Variants in CALN1 observed in about 807,000 individuals in gnomAD.
CALN1 encodes calcium-binding protein 8.
CALN1 carries 17 observed loss-of-function variants against 30.6 expected under a neutral mutation model. The ratio of observed to expected loss-of-function variants is 0.56; its 90% confidence interval spans 0.38 to 0.83. The LOEUF (loss-of-function observed/expected upper bound fraction) is 0.83, where lower values mean the gene tolerates loss of function less well. CALN1 is among the 40% of genes least tolerant of loss of function. CALN1 has a pLI of 0.00. For missense variants in CALN1, 291 were observed against 354.9 expected, an observed-to-expected ratio of 0.82 and a Z score of 1.45; for synonymous variants, 156 against 131.4, an observed-to-expected ratio of 1.19 and a Z score of -1.28.
intron 2 of CALN1, among the ~76,000 whole-genome samples, chr7:72,371,857 C>A (rs1804264794): frequency 6.6e-6 from 1 of 152,186 alleles, no homozygotes; most frequent in Non-Finnish European, 1.5e-5. Context: ...TCCACCCTTG[C>A]TCTCCCCATG....
chr7:72,041,778 G>C (rs181651065), intron 4 of CALN1, among the ~76,000 whole-genome samples: 1 of 152,130 alleles, frequency 6.6e-6, no homozygotes, highest in East Asian at 1.9e-4. Flanking sequence ...GGTCTTTCTC[G>C]TGCTGTTCTC....
Position 72,180,144 on chromosome 7 carries a change from C to CG in CALN1, c.245-73851dup, listed in dbSNP as rs142133946. Reference sequence around the variant, plus strand: ...GACTGTCCTACATTCCAGAAGCCCACGGGGTATCATTTAGTTTGTTCCTCT... The same window carrying CG: ...GACTGTCCTACATTCCAGAAGCCCACGGGGGTATCATTTAGTTTGTTCCTCT... On this transcript the variant is annotated intron_variant, in intron 3 of 6. Transcript: ENST00000395275. Among the ~76,000 whole-genome samples the CG allele has an allele frequency of 3.0e-3, 460 of 152,302 alleles. 2 individuals carry two copies. Among genetic ancestry groups the CG allele is most frequent in the African/African-American group, 0.011 (452 of 41,564 alleles).
At chr7:72,363,601 G>T (rs1281899993) in intron 2 of CALN1, among the ~76,000 whole-genome samples, 1 of 151,764 alleles carries the variant, frequency 6.6e-6, no homozygotes, top group Non-Finnish European at 1.5e-5. Context: ...ATCAGTCTAG[G>T]TTTTATACTT....
intron 4 of CALN1, among the ~76,000 whole-genome samples, chr7:72,030,771 G>A (rs982144210): frequency 6.6e-6 from 1 of 151,624 alleles, no homozygotes; most frequent in African/African-American, 2.4e-5. Flanking sequence ...CTTAGAGGCA[G>A]GGTCTTGCTC....
intron 6 of CALN1, among the ~76,000 whole-genome samples, chr7:71,809,479 G>GAA (rs1317713099): frequency 1.9e-5 from 1 of 51,510 alleles, no homozygotes; most frequent in Non-Finnish European, 3.9e-5. Context: ...AAAAAAAAAA[G>GAA]AAAAGAAAAG....
At chr7:71,999,579 T>G (rs563022838) in intron 5 of CALN1, among the ~76,000 whole-genome samples, 1 of 151,936 alleles carries the variant, frequency 6.6e-6, no homozygotes, top group African/African-American at 2.4e-5. Flanking sequence ...AGTGGCATAA[T>G]CTTGGCTCAC....
intron 2 of CALN1, among the ~76,000 whole-genome samples, chr7:72,398,295 G>C (rs930092379): frequency 6.6e-6 from 1 of 152,170 alleles, no homozygotes; most frequent in Admixed American, 6.5e-5. Flanking sequence ...AAGCTATTCA[G>C]AGCAGGGGTG....
At chr7:71,981,108 A>C (rs1562953714) in intron 5 of CALN1, among the ~76,000 whole-genome samples, 1 of 152,100 alleles carries the variant, frequency 6.6e-6, no homozygotes, top group South Asian at 2.1e-4. Context: ...CAGTGCTATG[A>C]TATATATTAG....
intron 3 of CALN1, among the ~76,000 whole-genome samples, chr7:72,239,442 G>T (rs949097223): frequency 2.6e-5 from 4 of 152,022 alleles, no homozygotes; most frequent in African/African-American, 9.7e-5. Context: ...ATTCTGTGAC[G>T]CTCTGCTGTC....
chr7:72,351,724 T>C (rs1401423805), intron 2 of CALN1, among the ~76,000 whole-genome samples: 1 of 151,830 alleles, frequency 6.6e-6, no homozygotes, highest in South Asian at 2.1e-4. Context: ...AATACAATAT[T>C]TGAAAAATAA....
intron 3 of CALN1, among the ~76,000 whole-genome samples, chr7:72,198,179 G>A (rs1054883889): frequency 1.3e-5 from 2 of 152,202 alleles, no homozygotes; most frequent in Admixed American, 6.5e-5. Context: ...GGAAGAGGAG[G>A]AAGAATTTGT....
intron 5 of CALN1, among the ~76,000 whole-genome samples, chr7:71,979,394 G>T (rs2129527033): frequency 6.6e-6 from 1 of 152,300 alleles, no homozygotes; most frequent in Non-Finnish European, 1.5e-5. Flanking sequence ...TCATCTGGGG[G>T]TGATGGGAGA....
At chr7:71,840,655 T>C (rs1213656480) in intron 5 of CALN1, among the ~76,000 whole-genome samples, 1 of 152,120 alleles carries the variant, frequency 6.6e-6, no homozygotes, top group African/African-American at 2.4e-5. Flanking sequence ...AGGCATTGAT[T>C]GAACCGCTCA....
intron 5 of CALN1, among the ~76,000 whole-genome samples, chr7:71,847,854 A>G (rs1318497483): frequency 6.7e-6 from 1 of 148,842 alleles, no homozygotes; most frequent in Non-Finnish European, 1.5e-5. Context: ...AAGGAGAAGA[A>G]GAAGAGGAAA....
At position 72,368,963 on chromosome 7, in the gene CALN1, C is replaced by T. The variant is rs531625327; in HGVS notation, c.119+34288G>A. On this transcript the variant is annotated intron_variant, in intron 2 of 6. Transcript: ENST00000395275. ...CCAAGTAGCTGGGATTACAGGCACCCGCCACCACGCCCAGCTAATTTTTGT... is the reference window on the plus strand; with the variant it reads ...CCAAGTAGCTGGGATTACAGGCACCTGCCACCACGCCCAGCTAATTTTTGT... 1.0e-3 allele frequency among the ~76,000 whole-genome samples: 151 copies of T among 151,690 alleles called. 1 individual carries two copies. The highest frequency in any genetic ancestry group is 3.4e-3 in the African/African-American group (142 of 41,344).
chr7:72,378,294 T>C (rs1562933186), intron 2 of CALN1, among the ~76,000 whole-genome samples: 1 of 152,180 alleles, frequency 6.6e-6, no homozygotes, highest in Non-Finnish European at 1.5e-5. Flanking sequence ...TTCAAGGCTA[T>C]CACTTATCTG....
intron 2 of CALN1, among the ~76,000 whole-genome samples, chr7:72,298,153 C>T (rs1266296257): frequency 6.6e-6 from 1 of 152,166 alleles, no homozygotes; most frequent in Non-Finnish European, 1.5e-5. Flanking sequence ...GTCATCTTTA[C>T]CTGTGTATGG....
At chr7:71,948,688 G>C (rs1370044780) in intron 5 of CALN1, among the ~76,000 whole-genome samples, 2 of 149,572 alleles carry the variant, frequency 1.3e-5, no homozygotes, top group Non-Finnish European at 3.0e-5. Context: ...CCAAGATCAT[G>C]CCACTGCACT....
At chr7:72,389,524 G>A (rs933036104) in intron 2 of CALN1, among the ~76,000 whole-genome samples, 6 of 152,172 alleles carry the variant, frequency 3.9e-5, no homozygotes, top group Non-Finnish European at 8.8e-5. Context: ...TTCACTGCCC[G>A]TGAAGCATGG....
Sources: allele counts gnomAD v4.1 joint callset (sites outside exome capture counted in the v4.1 genomes callset), GRCh38; gene constraint gnomAD v4.1.1; transcripts MANE v1.5; gene names NCBI Gene and HGNC (gene_info 2026-07-23, HGNC 2026-07-21).